Variants in FARP1 observed in about 807,000 individuals in gnomAD.
FARP1 encodes FERM, ARH/RhoGEF and pleckstrin domain protein 1.
A neutral mutation model predicts 128.8 loss-of-function variants in FARP1; 52 were observed. The observed-to-expected ratio is 0.40, with a 90% CI of 0.32 to 0.51. The LOEUF (loss-of-function observed/expected upper bound fraction) is 0.51. Ranked by LOEUF, FARP1 falls within the 20% of genes least tolerant of loss-of-function variation. The probability of loss-of-function intolerance (pLI) is 0.45; values close to 1 mark genes in which losing one functional copy is unlikely to be tolerated. For synonymous variants in FARP1, 580 were observed against 551.8 expected (o/e 1.05, Z -0.72); for missense variants, 1,333 against 1,367.9 (o/e 0.97, Z 0.40).
At chr13:98,181,287 C>T (rs1305442123) in intron 1 of FARP1, among the ~76,000 whole-genome samples, 1 of 152,162 alleles carries the variant, frequency 6.6e-6, no homozygotes, top group Non-Finnish European at 1.5e-5. Flanking sequence ...GAGGTTACAT[C>T]CTGGCGCTGT....
At chr13:98,371,622 C>A (rs187345280) in intron 5 of FARP1, among the ~76,000 whole-genome samples, 4 of 152,172 alleles carry the variant, frequency 2.6e-5, no homozygotes, top group Admixed American at 2.0e-4. Context: ...CCTCATGGGG[C>A]CGATGTGTTG....
chr13:98,170,807 G>A (rs1355176678), intron 1 of FARP1, among the ~76,000 whole-genome samples: 1 of 150,802 alleles, frequency 6.6e-6, no homozygotes, highest in South Asian at 2.1e-4. Flanking sequence ...CATGTTTTTA[G>A]AAGGTTTTTT....
intron 2 of FARP1, among the ~76,000 whole-genome samples, chr13:98,226,800 G>GT (rs745596796): frequency 5.9e-5 from 9 of 151,890 alleles, no homozygotes; most frequent in East Asian, 3.9e-4. Context: ...AGAGCGATTG[G>GT]TTTTTTTTGT....
At chr13:98,315,156 G>A (rs1886666329) in intron 2 of FARP1, among the ~76,000 whole-genome samples, 2 of 152,234 alleles carry the variant, frequency 1.3e-5, no homozygotes, top group South Asian at 4.2e-4. Context: ...TTTAAAACAG[G>A]GTCTTGCCCT....
At chr13:98,356,905 G>C (rs1327467656) in intron 3 of FARP1, among the ~76,000 whole-genome samples, 2 of 152,112 alleles carry the variant, frequency 1.3e-5, no homozygotes, top group Non-Finnish European at 2.9e-5. Context: ...AAAGTGCTGG[G>C]ATTAGGCATG....
intron 1 of FARP1, among the ~76,000 whole-genome samples, chr13:98,202,985 G>A (rs555537310): frequency 6.6e-6 from 1 of 152,294 alleles, no homozygotes; most frequent in Admixed American, 6.5e-5. Flanking sequence ...CTCCCAAAAT[G>A]TTGGGATTAC....
intron 1 of FARP1, among the ~76,000 whole-genome samples, chr13:98,149,961 T>G (rs1396079636): frequency 6.6e-6 from 1 of 151,788 alleles, no homozygotes; most frequent in Admixed American, 6.6e-5. Flanking sequence ...ATGGTCTCGA[T>G]CTCCTGACCT....
chr13:98,339,179 G>A (rs1238485259), intron 2 of FARP1, among the ~76,000 whole-genome samples: 1 of 152,204 alleles, frequency 6.6e-6, no homozygotes, highest in Non-Finnish European at 1.5e-5. Flanking sequence ...AATTTATGTA[G>A]AAAGGAGGTT....
intron 2 of FARP1, among the ~76,000 whole-genome samples, chr13:98,326,619 T>C (rs1007310027): frequency 3.3e-5 from 5 of 152,232 alleles, no homozygotes; most frequent in African/African-American, 1.2e-4. Flanking sequence ...GAGAACAATA[T>C]GTAATTTTCA....
chr13:98,306,913 T>G (rs553954158), intron 2 of FARP1, among the ~76,000 whole-genome samples: 1 of 152,332 alleles, frequency 6.6e-6, no homozygotes, highest in African/African-American at 2.4e-5. Context: ...GAGTTAACAT[T>G]CATTAAATAT....
chr13:98,397,406 C>T (rs1890590447), intron 13 of FARP1: 1 of 152,212 alleles, frequency 6.6e-6, no homozygotes, highest in South Asian at 2.1e-4. Context: ...TGTACAGACA[C>T]AGTCTTACCA....
intron 9 of FARP1, 50 bp downstream of exon 9, chr13:98,388,528 G>T: frequency 7.1e-7 from 1 of 1,402,710 alleles, no homozygotes; most frequent in Non-Finnish European, 1.0e-6. Context: ...GGGATGGCGT[G>T]TGTCCTGCAA....
intron 2 of FARP1, among the ~76,000 whole-genome samples, chr13:98,214,686 AATTT>A: frequency 6.6e-6 from 1 of 152,268 alleles, no homozygotes; most frequent in Non-Finnish European, 1.5e-5. Context: ...TAAAACCACC[AATTT>A]ATTGCGCACT....
chr13:98,232,145 G>GTTTTTTTTTTTTTTTTTT (rs59209045), intron 2 of FARP1, among the ~76,000 whole-genome samples: 3 of 105,790 alleles, frequency 2.8e-5, no homozygotes, highest in African/African-American at 7.7e-5. Context: ...TGTTTGGTTG[G>GTTTTTTTTTTTTTTTTTT]TTTTTTTTTT....
intron 1 of FARP1, among the ~76,000 whole-genome samples, chr13:98,208,812 GGCCAGCCC>G (rs1880470242): frequency 6.6e-6 from 1 of 152,114 alleles, no homozygotes; most frequent in African/African-American, 2.4e-5. Context: ...CTGACCTCAG[GGCCAGCCC>G]TTGTGTCTAT....
intron 12 of FARP1, among the ~76,000 whole-genome samples, chr13:98,394,990 C>G (rs1189021833): frequency 6.6e-6 from 1 of 152,112 alleles, no homozygotes; most frequent in East Asian, 1.9e-4. Flanking sequence ...AAGCAGAGAC[C>G]GGGCCGGGCT....
chr13:98,230,338 G>T (rs1419929069), intron 2 of FARP1, among the ~76,000 whole-genome samples: 1 of 152,136 alleles, frequency 6.6e-6, no homozygotes, highest in Non-Finnish European at 1.5e-5. Context: ...ATTCACCCCA[G>T]TGCAATCTAT....
At chr13:98,286,128 A>C (rs938767540) in intron 2 of FARP1, among the ~76,000 whole-genome samples, 2 of 152,010 alleles carry the variant, frequency 1.3e-5, no homozygotes, top group African/African-American at 4.8e-5. Flanking sequence ...CAGTCTGCAA[A>C]CCAGAAACCT....
intron 1 of FARP1, among the ~76,000 whole-genome samples, chr13:98,186,336 A>G (rs1566716891): frequency 6.6e-6 from 1 of 150,964 alleles, no homozygotes; most frequent in Non-Finnish European, 1.5e-5. Context: ...TTGAACTCCC[A>G]ACTTCAGGTG....
Sources: gnomAD v4.1 joint callset for allele counts (sites outside exome capture counted in the v4.1 genomes callset) on GRCh38, gnomAD v4.1.1 for gene constraint, MANE v1.5 for transcripts, NCBI Gene and HGNC (gene_info 2026-07-23, HGNC 2026-07-21) for gene names.